MYO5A: variants seen among roughly 807,000 people sequenced by gnomAD.
MYO5A encodes the protein unconventional myosin-Va.
Under a neutral mutation model 249.7 loss-of-function variants are expected in MYO5A, and 98 were observed. That is an observed-to-expected ratio of 0.39 (90% CI 0.33 to 0.46). The LOEUF (loss-of-function observed/expected upper bound fraction) is 0.46. Ranked by LOEUF, MYO5A falls within the 20% of genes least tolerant of loss-of-function variation. MYO5A has a pLI of 0.98. For synonymous variants in MYO5A, 778 were observed against 810.6 expected (o/e 0.96, Z 0.68); for missense variants, 1,696 against 2,308.8 (o/e 0.73, Z 5.44).
chr15:52,410,530 T>C, intron 5 of MYO5A, 54 bp from the exon 6 acceptor site: 1 of 1,521,198 alleles, frequency 6.6e-7, no homozygotes, highest in Non-Finnish European at 9.1e-7. Context: ...TAACATGACA[T>C]TTACAGAATC....
chr15:52,525,092 T>C (rs2077707264), intron 1 of MYO5A, among the ~76,000 whole-genome samples: 1 of 152,186 alleles, frequency 6.6e-6, no homozygotes, highest in African/African-American at 2.4e-5. Context: ...CTATGGATGA[T>C]GTATGATATA....
At chr15:52,353,754 T>C in intron 26 of MYO5A, 96 bp from the exon 27 acceptor site, 6 of 1,587,744 alleles carry the variant, frequency 3.8e-6, no homozygotes, top group Non-Finnish European at 5.2e-6. Flanking sequence ...AGTTTAGCCC[T>C]CACTACTTTA....
At chr15:52,520,020 G>A (rs562130349) in intron 1 of MYO5A, among the ~76,000 whole-genome samples, 26 of 152,230 alleles carry the variant, frequency 1.7e-4, no homozygotes, top group Middle Eastern at 6.8e-3. Context: ...ATGAGCCACC[G>A]CACCTGGCCT....
intron 15 of MYO5A, 124 bp from the exon 16 acceptor site, chr15:52,383,312 C>G: frequency 1.3e-6 from 1 of 799,402 alleles, no homozygotes; most frequent in Non-Finnish European, 2.1e-6. Context: ...TAAACTTGAC[C>G]CATCTTCAGA....
intron 21 of MYO5A, among the ~76,000 whole-genome samples, chr15:52,371,128 A>AC (rs532495404): frequency 6.3e-4 from 96 of 151,632 alleles, no homozygotes; most frequent in African/African-American, 2.3e-3. Flanking sequence ...AAAAAACAAA[A>AC]AAAAAAAACC....
intron 21 of MYO5A, among the ~76,000 whole-genome samples, chr15:52,371,674 G>A (rs1364649061): frequency 6.6e-6 from 1 of 151,944 alleles, no homozygotes; most frequent in Non-Finnish European, 1.5e-5. Context: ...GATTGCTTGA[G>A]GCAACAGCCT....
intron 38 of MYO5A, among the ~76,000 whole-genome samples, chr15:52,319,634 G>A (rs987879958): frequency 6.6e-6 from 1 of 152,116 alleles, no homozygotes; most frequent in Non-Finnish European, 1.5e-5. Flanking sequence ...AGAAGGCTGA[G>A]GCAGGACAAT....
At chr15:52,406,015 GA>G (rs2042989521) in intron 8 of MYO5A, among the ~76,000 whole-genome samples, 1 of 152,202 alleles carries the variant, frequency 6.6e-6, no homozygotes, top group South Asian at 2.1e-4. Context: ...ATCCCAGCCT[GA>G]TGAGTATGCG....
intron 28 of MYO5A, 151 bp downstream of exon 28, chr15:52,351,103 C>T (rs1326559349): frequency 1.2e-5 from 9 of 744,002 alleles, no homozygotes; most frequent in African/African-American, 1.7e-5. Context: ...TAGTTTTAAA[C>T]AACACTGGGA....
chr15:52,415,132 G>A (rs1266610121), intron 5 of MYO5A, among the ~76,000 whole-genome samples: 1 of 151,960 alleles, frequency 6.6e-6, no homozygotes, highest in Non-Finnish European at 1.5e-5. Flanking sequence ...ATAGATTATC[G>A]CAAAAACCAC....
intron 1 of MYO5A, among the ~76,000 whole-genome samples, chr15:52,463,036 A>G (rs916159557): frequency 6.6e-6 from 1 of 152,186 alleles, no homozygotes; most frequent in African/African-American, 2.4e-5. Context: ...CTGACAGGAC[A>G]ATGGGAATCA....
intron 36 of MYO5A, chr15:52,323,770 G>A (rs911529915): frequency 1.2e-5 from 4 of 322,022 alleles, no homozygotes; most frequent in East Asian, 8.0e-5. Context: ...TTGGGAGGCC[G>A]AGGCAGATGG....
At chr15:52,350,056 C>T (rs1264129693) in intron 28 of MYO5A, among the ~76,000 whole-genome samples, 1 of 152,224 alleles carries the variant, frequency 6.6e-6, no homozygotes, top group African/African-American at 2.4e-5. Flanking sequence ...CCTCAGCCTC[C>T]CAAGTAGCTG....
chr15:52,337,759 G>T, intron 33 of MYO5A, 51 bp downstream of exon 33: 1 of 1,347,238 alleles, frequency 7.4e-7, no homozygotes, highest in South Asian at 1.3e-5. Context: ...AGTTACAGAG[G>T]GCTATAAGTA....
At chr15:52,365,774 G>A (rs887289620) in intron 23 of MYO5A, among the ~76,000 whole-genome samples, 8 of 152,214 alleles carry the variant, frequency 5.3e-5, no homozygotes, top group African/African-American at 7.2e-5. Context: ...CCAGTTTGCA[G>A]AAGCTGCTCT....
rs1446127142 is a variant in MYO5A, at chr15:52,310,976, G to A, written c.*2720C>T. 1 of 152,214 alleles carries A rather than the reference G, an allele frequency of 6.6e-6. No individual in the cohort carries two copies. Among genetic ancestry groups the A allele is most frequent in the Non-Finnish European group, 1.5e-5 (1 of 68,136 alleles). 9.4% of individuals were successfully genotyped at this position (152,214 alleles called of 1,614,324 possible). A position where few individuals can be genotyped will look rare whatever the true frequency, so the allele number is the denominator to read the frequency against. On this transcript the variant is annotated 3_prime_UTR_variant, in exon 42 of 42. Transcript: ENST00000399233. ...TTCAGACCCCCATCTGGAGCTCTGG[G>A]TAGACCTGGGAGGAAGCTGGAGCCC...
In MYO5A at chr15:52,504,135, A is replaced by G. The variant is rs181395316; in HGVS notation, c.27+24645T>C. ...TGAAATTCAAGAATTTGCAGATACC[A>G]TAAACTTGGGATATCCTAGAAACAA... On this transcript the variant is annotated intron_variant, in intron 1 of 41. Coordinates refer to ENST00000399233, the MANE Select transcript of MYO5A (RefSeq NM_001382347.1). 4.0e-5 allele frequency among the ~76,000 whole-genome samples: 6 copies of G among 148,532 alleles called. No individual in the cohort carries two copies. The Admixed American group carries it at 4.1e-4, about 10-fold the overall frequency.
chr15:52,354,113 A>G, intron 25 of MYO5A, 99 bp from the exon 26 acceptor site: 1 of 1,380,202 alleles, frequency 7.2e-7, no homozygotes, highest in Non-Finnish European at 1.0e-6. Flanking sequence ...AGGCAAACTT[A>G]CAGAATAAGA....
At chr15:52,359,867 T>G (rs2040430680) in intron 25 of MYO5A, 101 bp downstream of exon 25, 1 of 814,902 alleles carries the variant, frequency 1.2e-6, no homozygotes, top group Admixed American at 2.0e-5. Flanking sequence ...AAACAAATAC[T>G]ATGTTTATGG....
Sources: allele counts gnomAD v4.1 joint callset (sites outside exome capture counted in the v4.1 genomes callset), GRCh38; gene constraint gnomAD v4.1.1; transcripts MANE v1.5; gene names NCBI Gene and HGNC (gene_info 2026-07-23, HGNC 2026-07-21).